Variants in PPP2R3A observed in about 807,000 individuals in gnomAD.
PPP2R3A encodes the protein protein phosphatase 2 regulatory subunit B''alpha.
PPP2R3A carries 80 observed loss-of-function variants against 106.9 expected under a neutral mutation model. The observed-to-expected ratio is 0.75, with a 90% CI of 0.62 to 0.90. The LOEUF is 0.90. Among genes scored for constraint, PPP2R3A ranks in the 40% least tolerant of loss-of-function variants. The pLI is 0.00. For missense variants in PPP2R3A, 1,386 were observed against 1,350.4 expected, an observed-to-expected ratio of 1.03 and a Z score of -0.41; for synonymous variants, 483 against 468.3, an observed-to-expected ratio of 1.03 and a Z score of -0.41.
chr3:136,016,239 A>G (rs1280020188), intron 2 of PPP2R3A, among the ~76,000 whole-genome samples: 1 of 152,088 alleles, frequency 6.6e-6, no homozygotes, highest in African/African-American at 2.4e-5. Flanking sequence ...GGCCTATCAT[A>G]TGGTCTGTCT....
At chr3:136,042,140 A>C (rs1018479332) in intron 4 of PPP2R3A, among the ~76,000 whole-genome samples, 2 of 152,258 alleles carry the variant, frequency 1.3e-5, no homozygotes, top group African/African-American at 4.8e-5. Context: ...CCTTAATAGG[A>C]TAATGCTTGA....
intron 11 of PPP2R3A, 84 bp downstream of exon 11, chr3:136,102,266 A>G: frequency 6.9e-7 from 1 of 1,443,038 alleles, no homozygotes; most frequent in East Asian, 2.4e-5. Context: ...TAAATTATTT[A>G]ACATTTCAGA....
chr3:136,137,992 G>A (rs756975603), intron 13 of PPP2R3A, among the ~76,000 whole-genome samples: 1 of 152,148 alleles, frequency 6.6e-6, no homozygotes, highest in Non-Finnish European at 1.5e-5. Context: ...GTGGGAGAAT[G>A]TAGGAGAGGA....
intron 2 of PPP2R3A, among the ~76,000 whole-genome samples, chr3:136,015,115 G>A (rs1934225701): frequency 6.6e-6 from 1 of 151,952 alleles, no homozygotes; most frequent in Non-Finnish European, 1.5e-5. Context: ...CTTTTTCTGT[G>A]GTGTATCACA....
At chr3:136,062,869 A>G (rs1464057217) in intron 5 of PPP2R3A, among the ~76,000 whole-genome samples, 1 of 152,146 alleles carries the variant, frequency 6.6e-6, no homozygotes, top group Non-Finnish European at 1.5e-5. Context: ...AGATTCAATG[A>G]CATCCCCATC....
intron 13 of PPP2R3A, among the ~76,000 whole-genome samples, chr3:136,112,510 C>T (rs1937608074): frequency 6.6e-6 from 1 of 151,946 alleles, no homozygotes. Context: ...AAGCTGAGAG[C>T]CAAATGAAGA....
intron 13 of PPP2R3A, among the ~76,000 whole-genome samples, chr3:136,138,663 G>A (rs1163416479): frequency 7.6e-6 from 1 of 131,762 alleles, no homozygotes; most frequent in African/African-American, 2.9e-5. Context: ...TATTTCTGAA[G>A]CATTATAGAC....
In PPP2R3A at chr3:136,001,735, T is replaced by G. The variant is rs1336742664; in HGVS notation, c.237T>G (p.Leu79=). The change falls in exon 2 of 14, where the codon CTT becomes CTG. Residue 79 remains leucine, a synonymous_variant. Coordinates refer to ENST00000264977, the MANE Select transcript of PPP2R3A (RefSeq NM_002718.5). ...NSMFLPHENG[L]SSAEGDYPQQ... ...TGTTTCTACCCCATGAAAATGGGCT[T>G]TCTTCGGCTGAAGGAGACTATCCCC... 6.2e-7 allele frequency: 1 copy of G among 1,614,146 alleles called. No individual in the cohort carries two copies. Among genetic ancestry groups the G allele is most frequent in the East Asian group, 2.2e-5 (1 of 44,890 alleles).
intron 8 of PPP2R3A, among the ~76,000 whole-genome samples, chr3:136,082,830 A>G (rs962948444): frequency 6.6e-6 from 1 of 152,178 alleles, no homozygotes; most frequent in Admixed American, 6.5e-5. Context: ...TAACTTGCCA[A>G]GTTTTATTTT....
chr3:136,020,785 T>C (rs1311847704), intron 2 of PPP2R3A, among the ~76,000 whole-genome samples: 8 of 152,046 alleles, frequency 5.3e-5, no homozygotes, highest in Admixed American at 5.2e-4. Flanking sequence ...CAAATCTGTG[T>C]GTGATGGGCA....
chr3:136,030,816 ATGTATG>A (rs1446113997), intron 3 of PPP2R3A, among the ~76,000 whole-genome samples: 1,506 of 146,788 alleles, frequency 0.01, 32 homozygotes, highest in African/African-American at 0.034. Flanking sequence ...GTATGTATGT[ATGTATG>A]TATACACACA....
intron 10 of PPP2R3A, among the ~76,000 whole-genome samples, chr3:136,094,821 C>G (rs1937180566): frequency 6.6e-6 from 1 of 152,184 alleles, no homozygotes; most frequent in Admixed American, 6.5e-5. Flanking sequence ...ATACTGAATT[C>G]TGCACCACAT....
At chr3:135,974,039 G>C (rs114519834) in intron 1 of PPP2R3A, among the ~76,000 whole-genome samples, 1,899 of 152,242 alleles carry the variant, frequency 0.012, 41 homozygotes, top group African/African-American at 0.044. Flanking sequence ...TCAGTTCTCA[G>C]TCTTCCTCTT....
intron 6 of PPP2R3A, among the ~76,000 whole-genome samples, chr3:136,073,311 C>T (rs766955211): frequency 6.6e-6 from 1 of 152,144 alleles, no homozygotes; most frequent in Non-Finnish European, 1.5e-5. Flanking sequence ...GCCATGAAAC[C>T]ATTTTGTTCA....
Position 136,002,418 on chromosome 3 carries a change from T to G in PPP2R3A, c.920T>G (p.Leu307Ter). 6.2e-7 allele frequency: 1 copy of G among 1,614,024 alleles called. No individual in the cohort carries two copies. The highest frequency in any genetic ancestry group is 8.5e-7 in the Non-Finnish European group (1 of 1,179,904). ...MQSGNNEALD[L>*]TELISNMPSL... is the part of the protein sequence containing the mutation. Reference sequence around the variant, plus strand: ...TCTGGGAATAATGAGGCTCTAGATTTAACAGAACTGATCAGTAATATGCCT... The same window carrying G: ...TCTGGGAATAATGAGGCTCTAGATTGAACAGAACTGATCAGTAATATGCCT... Residue 307 changes from leucine to a stop codon, truncating the protein, a stop_gained, in exon 2 of 14, where the codon TTA (leucine) becomes TGA (stop). Transcript: ENST00000264977. LOFTEE classifies it high-confidence loss of function.
chr3:135,972,945 G>A (rs1487502409), intron 1 of PPP2R3A, among the ~76,000 whole-genome samples: 3 of 152,270 alleles, frequency 2.0e-5, no homozygotes, highest in Admixed American at 2.0e-4. Context: ...TTTAATTCGT[G>A]TGAAGTTGAA....
At chr3:136,122,640 A>C (rs756727470) in intron 13 of PPP2R3A, among the ~76,000 whole-genome samples, 1 of 152,188 alleles carries the variant, frequency 6.6e-6, no homozygotes, top group Non-Finnish European at 1.5e-5. Context: ...ACAACAACAA[A>C]AAAATCTATT....
chr3:136,098,447 CTTAG>C (rs1937271808), intron 10 of PPP2R3A, among the ~76,000 whole-genome samples: 1 of 152,206 alleles, frequency 6.6e-6, no homozygotes, highest in African/African-American at 2.4e-5. Context: ...ACAGTTACAA[CTTAG>C]TTATTTTCAC....
rs993575502 is a variant in PPP2R3A at position 136,002,045 on chromosome 3, G to A, written c.547G>A (p.Glu183Lys). Residue 183 changes from glutamate (E) to lysine (K), a missense_variant, in exon 2 of 14, where the codon GAG becomes AAG. Coordinates refer to ENST00000264977, the MANE Select transcript of PPP2R3A (RefSeq NM_002718.5). ...SFGLLRSSSV[E>K]EKPLSHRNSL... ...TGGTTTACTGCGGAGTTCCTCAGTT[G>A]AGGAAAAACCTTTGTCTCATAGAAA... 14 of 1,613,690 alleles carry A rather than the reference G, an allele frequency of 8.7e-6. No individual in the cohort carries two copies. In the African/African-American group the frequency reaches 1.2e-4, roughly 14 times the overall value.
Sources: allele counts gnomAD v4.1 joint callset (sites outside exome capture counted in the v4.1 genomes callset), GRCh38; gene constraint gnomAD v4.1.1; transcripts MANE v1.5; gene names NCBI Gene and HGNC (gene_info 2026-07-23, HGNC 2026-07-21).